Variants in BBS5 observed in about 807,000 individuals in gnomAD.
The protein encoded by BBS5 is BBSome complex member BBS5.
In BBS5, 39 loss-of-function variants were observed where a neutral mutation model predicts 50.2. The observed-to-expected ratio is 0.78, with a 90% CI of 0.60 to 1.01. BBS5 has a LOEUF of 1.01. Among genes scored for constraint, BBS5 ranks in the 50% least tolerant of loss-of-function variants. The probability of loss-of-function intolerance (pLI) is 0.00; values close to 1 mark genes in which losing one functional copy is unlikely to be tolerated. For missense variants in BBS5, 356 were observed against 401.5 expected, an observed-to-expected ratio of 0.89 and a Z score of 0.97; for synonymous variants, 134 against 133.1, an observed-to-expected ratio of 1.01 and a Z score of -0.05.
chr2:169,488,233 G>C, intron 5 of BBS5, 119 bp downstream of exon 5: 1 of 940,048 alleles, frequency 1.1e-6, no homozygotes, highest in Non-Finnish European at 1.7e-6. Flanking sequence ...GTTTTTCCAC[G>C]AATTGGGTGA....
At chr2:169,494,689 C>G (rs535908403) in intron 7 of BBS5, among the ~76,000 whole-genome samples, 1 of 152,246 alleles carries the variant, frequency 6.6e-6, no homozygotes, top group Admixed American at 6.5e-5. Flanking sequence ...GTGAAACAAA[C>G]TGTAAACTTC....
At chr2:169,498,771 C>T (rs1056328417) in intron 8 of BBS5, among the ~76,000 whole-genome samples, 44 of 146,858 alleles carry the variant, frequency 3.0e-4, no homozygotes, top group Non-Finnish European at 4.3e-4. Context: ...CGCGCCGCTG[C>T]ACTCCAGCCT....
chr2:169,482,460 C>T, intron 2 of BBS5, 127 bp downstream of exon 2: 1 of 752,046 alleles, frequency 1.3e-6, no homozygotes. Flanking sequence ...GAGTTAAATT[C>T]ACATAAGACT....
chr2:169,482,358 T>G, intron 2 of BBS5, 25 bp downstream of exon 2: 1 of 1,376,226 alleles, frequency 7.3e-7, no homozygotes, highest in Non-Finnish European at 1.0e-6. Flanking sequence ...AAATGTATCT[T>G]ATATTCCTGG....
At chr2:169,493,881 TA>T in intron 7 of BBS5, 45 bp downstream of exon 7, 2 of 1,327,618 alleles carry the variant, frequency 1.5e-6, no homozygotes, top group Non-Finnish European at 2.2e-6. Flanking sequence ...GTAAAATAAA[TA>T]TTTTTTGTTC....
chr2:169,479,795 G>A (rs1683356416), intron 1 of BBS5, among the ~76,000 whole-genome samples, 183 bp downstream of exon 1: 1 of 152,244 alleles, frequency 6.6e-6, no homozygotes, highest in Non-Finnish European at 1.5e-5. Context: ...GCCCTCTCGA[G>A]GCCGGCGCCG....
chr2:169,488,888 ATT>A (rs1683534503), intron 5 of BBS5, among the ~76,000 whole-genome samples: 1 of 152,228 alleles, frequency 6.6e-6, no homozygotes, highest in African/African-American at 2.4e-5. Flanking sequence ...TAATTAATTA[ATT>A]TAAAAGGTTA....
chr2:169,488,098 G>A lies in BBS5; in HGVS notation c.370G>A (p.Val124Met), dbSNP rs1559122261. 2 of 1,613,044 alleles carry A rather than the reference G, an allele frequency of 1.2e-6. No homozygotes were observed. Among genetic ancestry groups the A allele is most frequent in the African/African-American group, 2.7e-5 (2 of 74,896 alleles). The change falls in exon 5 of 12, where the codon GTG becomes ATG. Residue 124 changes from valine to methionine, a missense_variant. Val to Met is a conservative substitution (Grantham distance 21). Coordinates refer to ENST00000295240, the MANE Select transcript of BBS5 (RefSeq NM_152384.3). Reference protein sequence around the residue: ...VPGSPRLFTSVMAVHRAYETS... With the variant: ...VPGSPRLFTSMMAVHRAYETS... The stretch of plus-strand genomic sequence containing the variant: ...TGGAAGCCCTAGACTTTTTACTTCT[G>A]TGATGGCAGTACACAGGTATAGTAA...
At chr2:169,501,809 A>G (rs1259753776) in intron 9 of BBS5, among the ~76,000 whole-genome samples, 1 of 152,236 alleles carries the variant, frequency 6.6e-6, no homozygotes, top group Non-Finnish European at 1.5e-5. Flanking sequence ...GATCATGTCC[A>G]TTAAATGCCT....
intron 8 of BBS5, 81 bp downstream of exon 8, chr2:169,497,770 A>T (rs779012489): frequency 1.1e-6 from 1 of 908,196 alleles, no homozygotes; most frequent in Non-Finnish European, 1.8e-6. Flanking sequence ...TTTATATAGT[A>T]ATCAGTTTAC....
intron 2 of BBS5, among the ~76,000 whole-genome samples, chr2:169,486,581 C>T (rs1336188852): frequency 1.3e-5 from 2 of 152,120 alleles, no homozygotes; most frequent in East Asian, 1.9e-4. Context: ...AGTTTGCTCA[C>T]AGCAAAATTG....
intron 8 of BBS5, chr2:169,499,204 C>G (rs777755608): frequency 2.7e-6 from 1 of 364,672 alleles, no homozygotes; most frequent in Non-Finnish European, 5.0e-6. Context: ...AATAAGCCTG[C>G]GTTGGGGGAA....
In BBS5 at chr2:169,505,006, C is replaced by T. The variant is rs940486908; in HGVS notation, c.*424C>T. ...ATAAAGAACTTCTTCCCAAAATGGC[C>T]GAAGCTGGACTGTACTGCTGCCATC... On this transcript the variant is annotated 3_prime_UTR_variant, in exon 12 of 12. Coordinates refer to ENST00000295240, the MANE Select transcript of BBS5 (RefSeq NM_152384.3). 16 of 1,604,998 alleles carry T rather than the reference C, an allele frequency of 1.0e-5. No homozygotes were observed. The highest frequency in any genetic ancestry group is 3.3e-5 in the South Asian group (3 of 90,982).
chr2:169,499,888 C>T (rs1462511500), intron 9 of BBS5, among the ~76,000 whole-genome samples: 2 of 152,226 alleles, frequency 1.3e-5, no homozygotes, highest in African/African-American at 4.8e-5. Context: ...ATGTGCAGTG[C>T]TCCTCTGATA....
At chr2:169,487,422 A>C (rs1451281786) in intron 3 of BBS5, among the ~76,000 whole-genome samples, 4 of 152,140 alleles carry the variant, frequency 2.6e-5, no homozygotes, top group Admixed American at 1.3e-4. Context: ...AGAAGGAAGA[A>C]GCTCTAATAA....
intron 3 of BBS5, 99 bp from the exon 4 acceptor site, chr2:169,487,707 T>A (rs1408820658): frequency 3.9e-6 from 3 of 775,670 alleles, no homozygotes; most frequent in African/African-American, 3.5e-5. Context: ...TTTAATTTTT[T>A]AAACTGTTAA....
chr2:169,503,146 A>G lies in BBS5; in HGVS notation c.868A>G (p.Ile290Val). Reference sequence around the variant, plus strand: ...CGAACAAATTCAAGATGATGTAGAAATAGACTCTGATGGTCACACGGATGC... The same window carrying G: ...CGAACAAATTCAAGATGATGTAGAAGTAGACTCTGATGGTCACACGGATGC... ...TVEQIQDDVE[I>V]DSDGHTDAFV... Residue 290 changes from isoleucine to valine, a missense_variant, in exon 10 of 12, where the codon ATA (isoleucine) becomes GTA (valine). Physicochemically the swap from Ile to Val is conservative, Grantham distance 29. Coordinates refer to ENST00000295240, the MANE Select transcript of BBS5 (RefSeq NM_152384.3). 1 of 1,614,000 alleles carries G rather than the reference A, an allele frequency of 6.2e-7. No individual in the cohort carries two copies. Among genetic ancestry groups the G allele is most frequent in the East Asian group, 2.2e-5 (1 of 44,878 alleles).
At chr2:169,494,562 A>C (rs1240173023) in intron 7 of BBS5, among the ~76,000 whole-genome samples, 1 of 152,076 alleles carries the variant, frequency 6.6e-6, no homozygotes, top group East Asian at 1.9e-4. Flanking sequence ...ATTTAAAAAA[A>C]AAAAAAACTA....
chr2:169,489,474 AT>A (rs1297639777), intron 5 of BBS5, among the ~76,000 whole-genome samples: 188 of 136,072 alleles, frequency 1.4e-3, no homozygotes, highest in African/African-American at 1.7e-3. Flanking sequence ...AAAAAAAAAA[AT>A]TTTTTTTTTT....
Sources: gnomAD v4.1 joint callset for allele counts (sites outside exome capture counted in the v4.1 genomes callset) on GRCh38, gnomAD v4.1.1 for gene constraint, MANE v1.5 for transcripts, NCBI Gene and HGNC (gene_info 2026-07-23, HGNC 2026-07-21) for gene names.